Variants in GP2 observed in about 807,000 individuals in gnomAD.
GP2 encodes glycoprotein 2, also known as pancreatic secretory granule membrane major glycoprotein GP2.
GP2 carries 58 observed loss-of-function variants against 60.8 expected under a neutral mutation model. The ratio of observed to expected loss-of-function variants is 0.95; its 90% CI spans 0.77 to 1.19. The LOEUF (loss-of-function observed/expected upper bound fraction) is 1.19. GP2 is among the 50% of genes most tolerant of loss of function. GP2 has a pLI of 0.00. For synonymous variants in GP2, 280 were observed against 253.4 expected (o/e 1.10, Z -1.00); for missense variants, 647 against 667.4 (o/e 0.97, Z 0.34).
chr16:20,319,152 C>T (rs1305844739), intron 6 of GP2, among the ~76,000 whole-genome samples: 1 of 152,130 alleles, frequency 6.6e-6, no homozygotes, highest in Non-Finnish European at 1.5e-5. Flanking sequence ...AATCTCACGT[C>T]TGCAGGGAAG....
intron 5 of GP2, 72 bp downstream of exon 5, chr16:20,320,190 T>C: frequency 8.8e-7 from 1 of 1,138,410 alleles, no homozygotes; most frequent in Non-Finnish European, 1.3e-6. Context: ...GTCCAAGATC[T>C]CAGAGCTACT....
chr16:20,313,499 T>G (rs1964060655), intron 10 of GP2, among the ~76,000 whole-genome samples: 1 of 152,232 alleles, frequency 6.6e-6, no homozygotes, highest in Admixed American at 6.5e-5. Context: ...ATTATTGATG[T>G]TCCCATGCAT....
chr16:20,324,383 T>A (rs1288704184), intron 2 of GP2, 127 bp from the exon 3 acceptor site: 4 of 618,474 alleles, frequency 6.5e-6, no homozygotes, highest in Non-Finnish European at 1.2e-5. Flanking sequence ...CACGGTCCAT[T>A]AATTAAACAT....
intron 4 of GP2, among the ~76,000 whole-genome samples, chr16:20,320,928 T>C (rs1002548063): frequency 6.6e-6 from 1 of 152,186 alleles, no homozygotes; most frequent in African/African-American, 2.4e-5. Context: ...CCCACTCTTA[T>C]AGAGCTAACA....
intron 10 of GP2, among the ~76,000 whole-genome samples, chr16:20,314,272 G>GA (rs1200591176): frequency 4.9e-5 from 7 of 141,472 alleles, no homozygotes; most frequent in East Asian, 2.5e-4. Flanking sequence ...TCTTGAGTTT[G>GA]AAAAAAAAAG....
chr16:20,316,952 T>TCCC (rs1234370453), intron 8 of GP2, among the ~76,000 whole-genome samples: 165 of 143,824 alleles, frequency 1.1e-3, no homozygotes, highest in African/African-American at 4.0e-3. Context: ...CCTCCCTCCT[T>TCCC]CTCCTTCCTC....
In GP2 at chr16:20,327,395, C is replaced by T. The variant is rs1964564384; in HGVS notation, c.-37+72G>A. The T allele has an allele frequency of 1.3e-5, 14 of 1,108,790 alleles. No individual in the cohort carries two copies. In the South Asian group the frequency reaches 1.9e-4, roughly 15 times the overall value. 68.7% of individuals were successfully genotyped at this position (1,108,790 alleles called of 1,614,324 possible). On this transcript the variant is annotated intron_variant, in intron 1 of 10. Transcript: ENST00000302555. ...CTAAAAATTTCCAGAAACAAAGAAT[C>T]CTAGCATGTCCAGTGGATCAAGATT...
At chr16:20,327,181 G>A in intron 1 of GP2, 1 of 271,070 alleles carries the variant, frequency 3.7e-6, no homozygotes, top group Admixed American at 4.8e-5. Flanking sequence ...GAAGCACCCA[G>A]GATTGGTGAT....
chr16:20,316,933 C>T (rs1435735654), intron 8 of GP2, among the ~76,000 whole-genome samples: 1 of 149,316 alleles, frequency 6.7e-6, no homozygotes, highest in Non-Finnish European at 1.5e-5. Flanking sequence ...TTTCCCCTCC[C>T]TTCCCTTCCC....
intron 9 of GP2, among the ~76,000 whole-genome samples, 197 bp downstream of exon 9, chr16:20,315,759 G>A (rs528220285): frequency 1.3e-5 from 2 of 152,158 alleles, no homozygotes; most frequent in Admixed American, 1.3e-4. Context: ...AGCTTAGCCT[G>A]GTCTCTAAGC....
At chr16:20,323,134 G>A (rs935410602) in intron 3 of GP2, 155 bp from the exon 4 acceptor site, 1 of 619,404 alleles carries the variant, frequency 1.6e-6, no homozygotes, top group East Asian at 2.7e-5. Context: ...CCAGTCCAAT[G>A]GGATAAGTGA....
chr16:20,326,998 G>T (rs372969852), intron 1 of GP2: 103 of 165,464 alleles, frequency 6.2e-4, no homozygotes, highest in African/African-American at 2.4e-3. Flanking sequence ...GAAAGAAAGA[G>T]CTGCAAAAAA....
intron 5 of GP2, 65 bp from the exon 6 acceptor site, chr16:20,319,833 C>G: frequency 1.6e-6 from 2 of 1,286,424 alleles, no homozygotes; most frequent in Non-Finnish European, 1.1e-6. Flanking sequence ...TATCTCAAAT[C>G]CAGATCTGAT....
At position 20,324,126 on chromosome 16, in the gene GP2, G is replaced by A; in HGVS notation, c.225C>T (p.Ser75=). ...NYTLLDEPFR[S]TENSAGSQGC... ...CCTGGGACCCTGCTGAGTTCTCTGT[G>A]CTTCGGAAGGGTTCATCCAGGAGGG... Residue 75 remains serine, a synonymous_variant, in exon 3 of 11, where the codon AGC becomes AGT. Transcript: ENST00000302555. 1 of 1,614,006 alleles carries A rather than the reference G, an allele frequency of 6.2e-7. No individual in the cohort carries two copies. Among genetic ancestry groups the A allele is most frequent in the Non-Finnish European group, 8.5e-7 (1 of 1,179,864 alleles).
chr16:20,326,154 T>G, intron 2 of GP2, 184 bp downstream of exon 2: 2 of 596,880 alleles, frequency 3.4e-6, no homozygotes, highest in Non-Finnish European at 6.0e-6. Context: ...CTGATTAGGC[T>G]CTTTGAGAGA....
chr16:20,318,235 G>A lies in GP2; in HGVS notation c.1203C>T (p.Thr401=). Reference sequence around the variant, plus strand: ...CAAGGTCAGCCTTGTCTTCAGTGGGGGTGGCATAGCAGTTCCTCAACACCA... The same window carrying A: ...CAAGGTCAGCCTTGTCTTCAGTGGGAGTGGCATAGCAGTTCCTCAACACCA... ...FNLVLRNCYA[T]PTEDKADLVK... The change falls in exon 7 of 11, where the codon ACC becomes ACT. Residue 401 remains threonine, a synonymous_variant. Transcript: ENST00000302555. 2.5e-6 allele frequency: 4 copies of A among 1,611,836 alleles called. No individual in the cohort carries two copies. Among genetic ancestry groups the A allele is most frequent in the Non-Finnish European group, 3.4e-6 (4 of 1,177,922 alleles).
intron 6 of GP2, 123 bp from the exon 7 acceptor site, chr16:20,318,553 A>G (rs1567288626): frequency 1.6e-5 from 13 of 830,574 alleles, no homozygotes; most frequent in Non-Finnish European, 2.5e-5. Flanking sequence ...GAACTAGTCA[A>G]TCAGTCGTTT....
intron 2 of GP2, 159 bp downstream of exon 2, chr16:20,326,179 C>G (rs1397483662): frequency 1.6e-6 from 1 of 622,812 alleles, no homozygotes; most frequent in Non-Finnish European, 2.8e-6. Flanking sequence ...GACTTGATTT[C>G]CATTGTTTCT....
intron 3 of GP2, chr16:20,323,278 T>A (rs1160052339): frequency 1.4e-6 from 1 of 689,672 alleles, no homozygotes; most frequent in African/African-American, 1.8e-5. Context: ...GGAGCTAGAA[T>A]GCCAAGTTCA....
Sources: gnomAD v4.1 joint callset for allele counts (sites outside exome capture counted in the v4.1 genomes callset) on GRCh38, gnomAD v4.1.1 for gene constraint, MANE v1.5 for transcripts, NCBI Gene and HGNC (gene_info 2026-07-23, HGNC 2026-07-21) for gene names.